Variants in ZNF343 observed in about 807,000 individuals in gnomAD.
The protein encoded by ZNF343 is zinc finger protein 343.
In ZNF343, 11 loss-of-function variants were observed where a neutral mutation model predicts 13.8. The ratio of observed to expected loss-of-function variants is 0.80; its 90% CI spans 0.50 to 1.32. The LOEUF (loss-of-function observed/expected upper bound fraction) is 1.32, where lower values mean the gene tolerates loss of function less well. Among genes scored for constraint, ZNF343 ranks in the 40% most tolerant of loss-of-function variants. ZNF343 has a pLI of 0.00. For synonymous variants in ZNF343, 248 were observed against 260.0 expected, an observed-to-expected ratio of 0.95 and a Z score of 0.44; for missense variants, 658 against 714.2, an observed-to-expected ratio of 0.92 and a Z score of 0.90.
At chr20:2,511,904 G>C (rs188368778), upstream of ZNF343, among the ~76,000 whole-genome samples, 27 of 152,294 alleles carry the variant, frequency 1.8e-4, no homozygotes, top group Admixed American at 1.7e-3. Context: ...CATTGTACTG[G>C]AAGGTCTATT....
intron 4 of ZNF343, among the ~76,000 whole-genome samples, chr20:2,493,272 G>A (rs1049333421): frequency 8.6e-5 from 13 of 151,960 alleles, no homozygotes; most frequent in Non-Finnish European, 2.9e-5. Flanking sequence ...GGATTACAGA[G>A]AAAAATGGGA....
intron 1 of ZNF343, among the ~76,000 whole-genome samples, chr20:2,506,992 G>A (rs535109310): frequency 5.3e-5 from 8 of 151,734 alleles, no homozygotes; most frequent in Non-Finnish European, 7.4e-5. Context: ...AGCCGGGAGC[G>A]GTGGCTCATG....
chr20:2,483,720 C>T lies in ZNF343; in HGVS notation c.1241G>A (p.Cys414Tyr), dbSNP rs1352707217. 7.4e-6 allele frequency: 12 copies of T among 1,613,976 alleles called. No individual in the cohort carries two copies. Among genetic ancestry groups the T allele is most frequent in the Non-Finnish European group, 1.0e-5 (12 of 1,179,974 alleles). ...TGAGTTCTGGCTAAAGCCTCGCCCA[C>T]ACTCCCTGCAAACATAAGGCTTCTC... Reference protein sequence around the residue: ...SGEKPYVCRECGRGFSQNSDL... With the variant: ...SGEKPYVCREYGRGFSQNSDL... The change falls in exon 6 of 6, where the codon TGT (cysteine) becomes TAT (tyrosine). Residue 414 changes from cysteine (C) to tyrosine (Y), a missense_variant. Coordinates refer to ENST00000278772, the MANE Select transcript of ZNF343 (RefSeq NM_024325.6).
chr20:2,497,873 G>A (rs887156694), intron 2 of ZNF343, among the ~76,000 whole-genome samples: 7 of 140,556 alleles, frequency 5.0e-5, no homozygotes, highest in East Asian at 2.4e-4. Context: ...GTACCCACCC[G>A]CCCCGGCTCC....
chr20:2,503,215 C>G (rs4353715), intron 1 of ZNF343, among the ~76,000 whole-genome samples: 24,585 of 151,606 alleles, frequency 0.16, 2,555 homozygotes, highest in African/African-American at 0.29. Flanking sequence ...AGAGACAAGA[C>G]CATTACATAA....
chr20:2,486,150 C>A (rs2085277737), intron 5 of ZNF343, among the ~76,000 whole-genome samples: 1 of 152,064 alleles, frequency 6.6e-6, no homozygotes, highest in African/African-American at 2.4e-5. Flanking sequence ...TGATGTAACA[C>A]CCTACATCAC....
Position 2,483,873 on chromosome 20 carries a change from C to G in ZNF343, c.1088G>C (p.Ser363Thr). 1.2e-6 allele frequency: 2 copies of G among 1,614,162 alleles called. No homozygotes were observed. Among genetic ancestry groups the G allele is most frequent in the Middle Eastern group, 1.6e-4 (1 of 6,062 alleles). The change falls in exon 6 of 6, where the codon AGC (serine) becomes ACC (threonine). Residue 363 changes from serine to threonine, a missense_variant. Coordinates refer to ENST00000278772, the MANE Select transcript of ZNF343 (RefSeq NM_024325.6). ...GTGTCTGATGAAGGATGACTTCTCG[C>G]TAAAGCCTCGCCCACACTCGCTGCA... The part of the protein sequence containing the change: ...YVCSECGRGF[S>T]EKSSFIRHQR...
intron 5 of ZNF343, among the ~76,000 whole-genome samples, chr20:2,487,870 G>T (rs969236764): frequency 2.0e-5 from 3 of 152,158 alleles, no homozygotes; most frequent in Admixed American, 6.5e-5. Context: ...TGTTAAGAAT[G>T]GTGTGTAGTT....
chr20:2,522,898 G>A (rs544884930), intron 1 of ZNF343, among the ~76,000 whole-genome samples: 3 of 152,254 alleles, frequency 2.0e-5, no homozygotes, highest in African/African-American at 4.8e-5. Context: ...TTGTGGCAGC[G>A]GCATTTGATC....
In ZNF343 at chr20:2,484,184, G is replaced by T. The variant is rs931015633; in HGVS notation, c.777C>A (p.Asn259Lys). The T allele has an allele frequency of 3.1e-6, 5 of 1,614,196 alleles. No homozygotes were observed. Among genetic ancestry groups the T allele is most frequent in the Non-Finnish European group, 4.2e-6 (5 of 1,180,042 alleles). The change falls in exon 6 of 6, where the codon AAC becomes AAA. Residue 259 changes from asparagine (N) to lysine (K), a missense_variant. Physicochemically the swap from Asn to Lys is moderately conservative, Grantham distance 94. Coordinates refer to ENST00000278772, the MANE Select transcript of ZNF343 (RefSeq NM_024325.6). The stretch of plus-strand genomic sequence containing the variant: ...GCTTCTTCCCTAAGAGGGTCCTCGG[G>T]TTTGTAATAAAGTTTGATTCCAGGT... ...DHNLESNFITNPRTLLGKKPY... is the reference protein window; with the variant it reads ...DHNLESNFITKPRTLLGKKPY...
Position 2,495,500 on chromosome 20 carries a change from T to A in ZNF343, c.-149-1456A>T, listed in dbSNP as rs531880729. ...CATTTCTTTTGTTCTGAGAACAGCA[T>A]GTCCGAAGAGGGACTGTGGTTCTAC... On this transcript the variant is annotated intron_variant, in intron 2 of 5. Coordinates refer to ENST00000278772, the MANE Select transcript of ZNF343 (RefSeq NM_024325.6). 6 of 152,324 alleles carry A rather than the reference T, an allele frequency of 3.9e-5. No homozygotes were observed. The South Asian group carries it at 1.2e-3, about 32-fold the overall frequency. 9.4% of individuals were successfully genotyped at this position (152,324 alleles called of 1,614,324 possible).
chr20:2,522,203 C>T (rs2085785543), intron 1 of ZNF343, among the ~76,000 whole-genome samples: 2 of 152,190 alleles, frequency 1.3e-5, no homozygotes, highest in Non-Finnish European at 2.9e-5. Context: ...ATGCTTAGTA[C>T]TGACTACATG....
chr20:2,522,024 T>C (rs1269551512), intron 1 of ZNF343, among the ~76,000 whole-genome samples: 4 of 152,214 alleles, frequency 2.6e-5, no homozygotes, highest in South Asian at 2.1e-4. Flanking sequence ...TTGAGCTTGA[T>C]TTAACATAAA....
chr20:2,488,009 G>C (rs908957034), intron 5 of ZNF343, among the ~76,000 whole-genome samples: 2 of 152,124 alleles, frequency 1.3e-5, no homozygotes, highest in Non-Finnish European at 2.9e-5. Flanking sequence ...TCTGGTTTTA[G>C]GGTTCTTCTC....
At chr20:2,515,173 C>T (rs2085754184) in intron 1 of ZNF343, among the ~76,000 whole-genome samples, 1 of 152,140 alleles carries the variant, frequency 6.6e-6, no homozygotes, top group Non-Finnish European at 1.5e-5. Flanking sequence ...ACTAGATTTA[C>T]TGCTGATTAG....
intron 1 of ZNF343, among the ~76,000 whole-genome samples, chr20:2,503,300 T>C (rs1162494918): frequency 1.3e-5 from 2 of 152,146 alleles, no homozygotes; most frequent in Non-Finnish European, 2.9e-5. Context: ...AGTACCCAGA[T>C]TCATAAAGCA....
At chr20:2,513,848 T>C (rs1258111138), upstream of ZNF343, among the ~76,000 whole-genome samples, 1 of 152,220 alleles carries the variant, frequency 6.6e-6, no homozygotes, top group Non-Finnish European at 1.5e-5. Flanking sequence ...GAAAACATTA[T>C]GCTAAGTGAA....
At chr20:2,523,807 A>G (rs2085792924) in intron 1 of ZNF343, among the ~76,000 whole-genome samples, 1 of 144,732 alleles carries the variant, frequency 6.9e-6, no homozygotes, top group Non-Finnish European at 1.5e-5. Flanking sequence ...CAGCCTCCCC[A>G]GTAGCTGGGA....
In ZNF343 at chr20:2,482,757, T is replaced by A. The variant is rs1463951254; in HGVS notation, c.*404A>T. ...TACATCCTACAAACAAAGACCTCCT[T>A]CCTGAGGGCCACTCTGTGCCTGAGT... On this transcript the variant is annotated 3_prime_UTR_variant, in exon 6 of 6. Coordinates refer to ENST00000278772, the MANE Select transcript of ZNF343 (RefSeq NM_024325.6). The A allele has an allele frequency of 5.3e-6, 1 of 188,900 alleles. No homozygotes were observed. Among genetic ancestry groups the A allele is most frequent in the African/African-American group, 2.3e-5 (1 of 42,602 alleles). The allele number at this position is 188,900 out of a possible 1,614,324, so 11.7% of individuals were successfully genotyped here.
Sources: gnomAD v4.1 joint callset for allele counts (sites outside exome capture counted in the v4.1 genomes callset) on GRCh38, gnomAD v4.1.1 for gene constraint, MANE v1.5 for transcripts, NCBI Gene and HGNC (gene_info 2026-07-23, HGNC 2026-07-21) for gene names.